The following CACNB2 variants were observed in gnomAD, a reference collection of about 807,000 sequenced individuals.
CACNB2 encodes voltage-dependent L-type calcium channel subunit beta-2.
Under a neutral mutation model 73.3 loss-of-function variants are expected in CACNB2, and 42 were observed. The ratio of observed to expected loss-of-function variants is 0.57; its 90% confidence interval spans 0.45 to 0.74. The LOEUF (loss-of-function observed/expected upper bound fraction) is 0.74, where lower values mean the gene tolerates loss of function less well. CACNB2 is among the 30% of genes least tolerant of loss of function. CACNB2 has a pLI of 0.00. For synonymous variants in CACNB2, 348 were observed against 310.3 expected (o/e 1.12, Z -1.28); for missense variants, 940 against 853.0 (o/e 1.10, Z -1.27).
At chr10:18,141,046 CG>C in intron 1 of CACNB2, 190 bp downstream of exon 1, 1 of 1,545,544 alleles carries the variant, frequency 6.5e-7, no homozygotes, top group Non-Finnish European at 8.7e-7. Flanking sequence ...GGCTCTGCCT[CG>C]GCTTCCATTT....
chr10:18,450,526 G>T (rs535581253), intron 3 of CACNB2, among the ~76,000 whole-genome samples: 1 of 152,176 alleles, frequency 6.6e-6, no homozygotes, highest in Non-Finnish European at 1.5e-5. Flanking sequence ...AGGACTGGGT[G>T]TTCCTTCTCA....
chr10:18,250,636 A>C (rs1366890827), intron 2 of CACNB2, among the ~76,000 whole-genome samples: 1 of 152,144 alleles, frequency 6.6e-6, no homozygotes, highest in Non-Finnish European at 1.5e-5. Flanking sequence ...TAAATATTTA[A>C]GATTTAGGAT....
intron 2 of CACNB2, among the ~76,000 whole-genome samples, chr10:18,217,838 A>G (rs2035575424): frequency 6.6e-6 from 1 of 151,986 alleles, no homozygotes; most frequent in Non-Finnish European, 1.5e-5. Flanking sequence ...CAGTTCATGC[A>G]CTAAAATATG....
At chr10:18,419,496 A>T (rs544865671) in intron 3 of CACNB2, among the ~76,000 whole-genome samples, 13 of 152,326 alleles carry the variant, frequency 8.5e-5, no homozygotes, top group African/African-American at 2.4e-4. Context: ...GTTATGAACT[A>T]GTGTCCATTT....
chr10:18,467,675 C>A (rs1462902335), intron 3 of CACNB2, among the ~76,000 whole-genome samples: 1 of 152,146 alleles, frequency 6.6e-6, no homozygotes, highest in African/African-American at 2.4e-5. Context: ...CAGTCAGGAA[C>A]CTGGGAGCCC....
At chr10:18,366,691 A>C (rs927963498) in intron 2 of CACNB2, among the ~76,000 whole-genome samples, 2 of 151,760 alleles carry the variant, frequency 1.3e-5, no homozygotes, top group Non-Finnish European at 2.9e-5. Flanking sequence ...AAATATAAAA[A>C]TTAGCCGGAA....
At chr10:18,150,846 C>CT in intron 1 of CACNB2, 37 bp from the exon 2 acceptor site, 1 of 931,334 alleles carries the variant, frequency 1.1e-6, no homozygotes, top group Non-Finnish European at 1.4e-6. Context: ...TCATAATAAT[C>CT]TTATTTGTCT....
chr10:18,366,064 G>A (rs1430176087), intron 2 of CACNB2, among the ~76,000 whole-genome samples: 1 of 152,034 alleles, frequency 6.6e-6, no homozygotes. Context: ...GGTTCATTAG[G>A]GTTCTTTTCC....
chr10:18,535,630 G>T (rs907756755), intron 11 of CACNB2, among the ~76,000 whole-genome samples: 1 of 144,810 alleles, frequency 6.9e-6, no homozygotes, highest in Non-Finnish European at 1.6e-5. Flanking sequence ...AAAATTAGCC[G>T]GGCGTGGTGG....
intron 6 of CACNB2, among the ~76,000 whole-genome samples, chr10:18,507,099 A>G (rs1291769927): frequency 6.6e-6 from 1 of 152,198 alleles, no homozygotes; most frequent in Non-Finnish European, 1.5e-5. Context: ...GCACCCAGCC[A>G]TATTAACCTT....
At chr10:18,172,661 T>C (rs1316406700) in intron 2 of CACNB2, among the ~76,000 whole-genome samples, 3 of 152,194 alleles carry the variant, frequency 2.0e-5, no homozygotes, top group Non-Finnish European at 4.4e-5. Context: ...TTATTAATTT[T>C]AGTGTCATCA....
intron 2 of CACNB2, among the ~76,000 whole-genome samples, chr10:18,300,053 C>T (rs1398726192): frequency 6.6e-6 from 1 of 151,456 alleles, no homozygotes; most frequent in Admixed American, 6.6e-5. Flanking sequence ...CGGAGTTTCA[C>T]TCTTCTTCCC....
intron 12 of CACNB2, 63 bp downstream of exon 12, chr10:18,536,259 T>C: frequency 1.5e-6 from 1 of 668,864 alleles, no homozygotes; most frequent in Non-Finnish European, 2.3e-6. Context: ...TTTTTTTTTT[T>C]TTTTTTTTTT....
chr10:18,221,683 T>C (rs1217769298), intron 2 of CACNB2, among the ~76,000 whole-genome samples: 1 of 152,068 alleles, frequency 6.6e-6, no homozygotes, highest in Non-Finnish European at 1.5e-5. Flanking sequence ...TCTCAAAAAA[T>C]AAAAGTAAAA....
At chr10:18,442,958 GTATATATATATGTGTA>G (rs2046512503) in intron 3 of CACNB2, among the ~76,000 whole-genome samples, 1 of 22,090 alleles carries the variant, frequency 4.5e-5, no homozygotes, top group South Asian at 2.1e-3. Context: ...ATATATATAT[GTATATATATATGTGTA>G]TATATATATA....
intron 2 of CACNB2, among the ~76,000 whole-genome samples, chr10:18,220,049 G>T (rs2035670840): frequency 6.9e-6 from 1 of 144,530 alleles, no homozygotes; most frequent in Non-Finnish European, 1.5e-5. Context: ...TTACAGGTAT[G>T]AGCCACCACC....
intron 2 of CACNB2, among the ~76,000 whole-genome samples, chr10:18,341,995 G>A (rs2041252513): frequency 6.6e-6 from 1 of 152,016 alleles, no homozygotes; most frequent in Non-Finnish European, 1.5e-5. Context: ...GACATGGCTG[G>A]CAATGTATAC....
At chr10:18,442,507 G>A (rs962953628) in intron 3 of CACNB2, among the ~76,000 whole-genome samples, 1 of 151,008 alleles carries the variant, frequency 6.6e-6, no homozygotes, top group Non-Finnish European at 1.5e-5. Flanking sequence ...TTTTGTTGTT[G>A]TCATAAAATA....
chr10:18,469,323 T>A (rs1185032937), intron 3 of CACNB2, among the ~76,000 whole-genome samples: 1 of 152,228 alleles, frequency 6.6e-6, no homozygotes, highest in Non-Finnish European at 1.5e-5. Context: ...ACATCGCCAT[T>A]GGATGGGTTG....
Sources: gnomAD v4.1 joint callset for allele counts (sites outside exome capture counted in the v4.1 genomes callset) on GRCh38, gnomAD v4.1.1 for gene constraint, MANE v1.5 for transcripts, NCBI Gene and HGNC (gene_info 2026-07-23, HGNC 2026-07-21) for gene names.